NRXN3: variants seen among roughly 807,000 people sequenced by gnomAD.
NRXN3 encodes the protein neurexin III.
Under a neutral mutation model 137.6 loss-of-function variants are expected in NRXN3, and 32 were observed. The ratio of observed to expected loss-of-function variants is 0.23; its 90% confidence interval spans 0.18 to 0.31. The LOEUF (loss-of-function observed/expected upper bound fraction) is 0.31. NRXN3 is among the 10% of genes least tolerant of loss of function. The pLI is 1.00. For synonymous variants in NRXN3, 798 were observed against 784.5 expected, an observed-to-expected ratio of 1.02 and a Z score of -0.29; for missense variants, 1,574 against 2,062.5, an observed-to-expected ratio of 0.76 and a Z score of 4.59.
intron 2 of NRXN3, among the ~76,000 whole-genome samples, chr14:78,270,463 C>A (rs2072537341): frequency 6.6e-6 from 1 of 152,212 alleles, no homozygotes; most frequent in African/African-American, 2.4e-5. Flanking sequence ...CCTGGCAGTG[C>A]CCATCTGCTA....
Position 78,534,115 on chromosome 14 carries a change from A to G in NRXN3, c.758-111005A>G, listed in dbSNP as rs539574734. On this transcript the variant is annotated intron_variant, in intron 4 of 20. Coordinates refer to ENST00000335750, the MANE Select transcript of NRXN3 (RefSeq NM_001330195.2). Reference sequence around the variant, plus strand: ...TAGCTTTTGCAGCCTATTTGCCCCAATTGTGTAAATACTAATTTAAAACCA... The same window carrying G: ...TAGCTTTTGCAGCCTATTTGCCCCAGTTGTGTAAATACTAATTTAAAACCA... 9.2e-5 allele frequency among the ~76,000 whole-genome samples: 14 copies of G among 152,328 alleles called. No individual in the cohort carries two copies. The Middle Eastern group carries it at 0.01, about 111-fold the overall frequency.
At chr14:79,062,251 T>C (rs924287763) in intron 15 of NRXN3, among the ~76,000 whole-genome samples, 10 of 152,162 alleles carry the variant, frequency 6.6e-5, no homozygotes, top group Non-Finnish European at 1.2e-4. Context: ...GGCTGAACTC[T>C]CTTGCCAATT....
At chr14:79,784,837 GACAC>G (rs1251218317) in intron 19 of NRXN3, among the ~76,000 whole-genome samples, 2 of 152,008 alleles carry the variant, frequency 1.3e-5, no homozygotes, top group Non-Finnish European at 2.9e-5. Flanking sequence ...TGTGCACACA[GACAC>G]ACAGGTGTGA....
chr14:79,494,350 C>T (rs1176033201), intron 16 of NRXN3, among the ~76,000 whole-genome samples: 1 of 152,032 alleles, frequency 6.6e-6, no homozygotes, highest in Non-Finnish European at 1.5e-5. Flanking sequence ...TAAAGGGGGT[C>T]AGTAACTCTG....
chr14:79,404,516 A>G (rs1162956851), intron 15 of NRXN3, among the ~76,000 whole-genome samples: 1 of 152,178 alleles, frequency 6.6e-6, no homozygotes, highest in Non-Finnish European at 1.5e-5. Flanking sequence ...AATGGTAAAA[A>G]GAAATCTAGA....
At chr14:79,032,491 G>T (rs1568052829) in intron 15 of NRXN3, among the ~76,000 whole-genome samples, 2 of 152,128 alleles carry the variant, frequency 1.3e-5, no homozygotes, top group African/African-American at 2.4e-5. Flanking sequence ...AGTAAATAAA[G>T]TACATGACAT....
chr14:79,505,332 G>C (rs2096867867), intron 16 of NRXN3, among the ~76,000 whole-genome samples: 1 of 152,148 alleles, frequency 6.6e-6, no homozygotes, highest in African/African-American at 2.4e-5. Flanking sequence ...GGTTCCAGTT[G>C]GTGAGGGTTA....
intron 19 of NRXN3, among the ~76,000 whole-genome samples, chr14:79,730,301 G>T (rs554881476): frequency 1.8e-4 from 27 of 152,276 alleles, no homozygotes; most frequent in African/African-American, 6.0e-4. Flanking sequence ...GCTGAGTGGG[G>T]CCTGAAGCCA....
intron 16 of NRXN3, among the ~76,000 whole-genome samples, chr14:79,494,573 T>C (rs746826663): frequency 2.0e-5 from 3 of 152,158 alleles, no homozygotes; most frequent in Admixed American, 6.5e-5. Flanking sequence ...TTTTAAAATA[T>C]AGCAAAAACA....
At chr14:78,857,104 A>G (rs530869828) in intron 10 of NRXN3, among the ~76,000 whole-genome samples, 6 of 152,264 alleles carry the variant, frequency 3.9e-5, no homozygotes, top group Non-Finnish European at 7.4e-5. Context: ...CATGCTACAC[A>G]TCAAGTATAA....
intron 4 of NRXN3, among the ~76,000 whole-genome samples, chr14:78,335,092 C>T (rs1396608791): frequency 6.6e-6 from 1 of 152,128 alleles, no homozygotes; most frequent in Non-Finnish European, 1.5e-5. Flanking sequence ...TCAAGCCCAC[C>T]CTTACCCCAT....
intron 15 of NRXN3, among the ~76,000 whole-genome samples, chr14:79,000,669 T>C (rs565403034): frequency 3.6e-4 from 54 of 150,580 alleles, no homozygotes; most frequent in African/African-American, 1.3e-3. Context: ...GTGTGTCATC[T>C]GGTTAGAGCT....
chr14:78,750,516 T>C (rs1336458087), intron 8 of NRXN3, among the ~76,000 whole-genome samples: 1 of 152,136 alleles, frequency 6.6e-6, no homozygotes, highest in Non-Finnish European at 1.5e-5. Flanking sequence ...CAAGATATTA[T>C]TAAGGCTACA....
intron 15 of NRXN3, among the ~76,000 whole-genome samples, chr14:79,231,871 G>A (rs1305478992): frequency 6.6e-6 from 1 of 152,132 alleles, no homozygotes; most frequent in African/African-American, 2.4e-5. Context: ...GAAATAAAAT[G>A]TTAAACTGGT....
At chr14:79,494,250 T>C (rs2096744822) in intron 16 of NRXN3, among the ~76,000 whole-genome samples, 1 of 152,168 alleles carries the variant, frequency 6.6e-6, no homozygotes, top group African/African-American at 2.4e-5. Flanking sequence ...TAAAAATGAA[T>C]AATCACTGTC....
chr14:78,687,760 T>A lies in NRXN3; in HGVS notation c.1222-21457T>A, dbSNP rs151135056. Among the ~76,000 whole-genome samples the A allele has an allele frequency of 4.3e-4, 66 of 152,128 alleles. No individual in the cohort carries two copies. The East Asian group carries it at 4.5e-3, about 10-fold the overall frequency. ...AATTTAAAGGGTTTCACCCTGGGAG[T>A]GATTAAGCATTTGGCCTCGACATGA... On this transcript the variant is annotated intron_variant, in intron 6 of 20. Transcript: ENST00000335750.
intron 10 of NRXN3, among the ~76,000 whole-genome samples, chr14:78,917,150 G>A (rs564176968): frequency 3.3e-5 from 5 of 152,252 alleles, no homozygotes; most frequent in African/African-American, 1.2e-4. Context: ...GGAAGAGACC[G>A]TAAGAATATT....
chr14:79,029,246 A>G (rs1299567639), intron 15 of NRXN3, among the ~76,000 whole-genome samples: 2 of 152,156 alleles, frequency 1.3e-5, no homozygotes, highest in Non-Finnish European at 2.9e-5. Context: ...GGGTATCAAA[A>G]GAAGTCTCCA....
chr14:79,745,020 G>GAA (rs35666988), intron 19 of NRXN3, among the ~76,000 whole-genome samples: 118 of 106,916 alleles, frequency 1.1e-3, no homozygotes, highest in African/African-American at 3.4e-3. Context: ...CATATCTTTA[G>GAA]AAAAAAAAAA....
Sources: allele counts gnomAD v4.1 joint callset (sites outside exome capture counted in the v4.1 genomes callset), GRCh38; gene constraint gnomAD v4.1.1; transcripts MANE v1.5; gene names NCBI Gene and HGNC (gene_info 2026-07-23, HGNC 2026-07-21).